Variants in KIF1A observed in about 807,000 individuals in gnomAD.
The protein encoded by KIF1A is kinesin family member 1A.
KIF1A carries 46 observed loss-of-function variants against 227.3 expected under a neutral mutation model. The ratio of observed to expected loss-of-function variants is 0.20; its 90% CI spans 0.16 to 0.26. The LOEUF (loss-of-function observed/expected upper bound fraction) is 0.26. Among genes scored for constraint, KIF1A ranks in the 10% least tolerant of loss-of-function variants. KIF1A has a pLI of 1.00. For synonymous variants in KIF1A, 1,022 were observed against 1,012.8 expected (o/e 1.01, Z -0.17); for missense variants, 1,683 against 2,485.9 (o/e 0.68, Z 6.87).
chr2:240,718,907 TG>T, intron 47 of KIF1A, 98 bp downstream of exon 47: 1 of 962,660 alleles, frequency 1.0e-6, no homozygotes, highest in Non-Finnish European at 1.6e-6. Flanking sequence ...GGTGAGCAGA[TG>T]GGCCTCCTGC....
upstream of KIF1A, among the ~76,000 whole-genome samples, chr2:240,821,067 C>T (rs2058673777): frequency 6.6e-6 from 1 of 152,184 alleles, no homozygotes; most frequent in Non-Finnish European, 1.5e-5. Flanking sequence ...CGTCCTCCCT[C>T]CACCGTCCCA....
At chr2:240,807,411 G>A (rs1351215424) in intron 1 of KIF1A, among the ~76,000 whole-genome samples, 3 of 152,064 alleles carry the variant, frequency 2.0e-5, no homozygotes, top group African/African-American at 7.3e-5. Flanking sequence ...CCAAAGTGCT[G>A]GGATTACAGG....
At chr2:240,802,659 G>A (rs1026340695) in intron 1 of KIF1A, among the ~76,000 whole-genome samples, 1 of 152,094 alleles carries the variant, frequency 6.6e-6, no homozygotes, top group Non-Finnish European at 1.5e-5. Context: ...GTTTGAGACC[G>A]GGTCTCCTGT....
In KIF1A at chr2:240,741,365, T is replaced by C. The variant is rs1370288349; in HGVS notation, c.3653A>G (p.Lys1218Arg). ...ACAGGGCCGCGTCAGTGTGCTGAGCTTGGTGGCGGGCACTGTAGGGACAGG... is the reference window on the plus strand; with the variant it reads ...ACAGGGCCGCGTCAGTGTGCTGAGCCTGGTGGCGGGCACTGTAGGGACAGG... ...MPLSKPVPAT[K>R]LSTLTRPCPG... is the part of the protein sequence containing the mutation. The change falls in exon 35 of 49, where the codon AAG (lysine) becomes AGG (arginine). Residue 1218 changes from lysine (K) to arginine (R), a missense_variant. By Grantham distance (26) the Lys-to-Arg change is conservative. Coordinates refer to ENST00000498729, the MANE Select transcript of KIF1A (RefSeq NM_001244008.2). 10 of 1,576,518 alleles carry C rather than the reference T, an allele frequency of 6.3e-6. No homozygotes were observed. Among genetic ancestry groups the C allele is most frequent in the Non-Finnish European group, 8.6e-6 (10 of 1,165,618 alleles).
At chr2:240,780,830 CCA>C (rs772178620) in intron 10 of KIF1A, among the ~76,000 whole-genome samples, 23 of 10,048 alleles carry the variant, frequency 2.3e-3, no homozygotes, top group Non-Finnish European at 2.2e-3. Flanking sequence ...ACACACAGCT[CCA>C]CACACACACA....
At chr2:240,808,738 T>A (rs760171815) in intron 1 of KIF1A, among the ~76,000 whole-genome samples, 50 of 150,496 alleles carry the variant, frequency 3.3e-4, no homozygotes, top group Non-Finnish European at 6.2e-4. Flanking sequence ...GTCACTAACT[T>A]TTTTTTTTTG....
chr2:240,817,329 C>A (rs931087268), intron 1 of KIF1A, among the ~76,000 whole-genome samples: 3 of 152,162 alleles, frequency 2.0e-5, no homozygotes, highest in Admixed American at 6.5e-5. Flanking sequence ...GGAGGTGACA[C>A]CTTGAGTCCC....
In KIF1A at chr2:240,778,849, C is replaced by T. The variant is rs1309219503; in HGVS notation, c.883-2923G>A. On this transcript the variant is annotated intron_variant, in intron 10 of 48. Transcript: ENST00000498729. This position sits in a 1 kb window ranked among gnomAD's most constrained non-coding sequence, Gnocchi z 7.2. ...CCGCCATGGCTCACACACTTCCTCA[C>T]ACGTTCCTCACACAACCCTTCACGC... Among the ~76,000 whole-genome samples, 2 of 152,088 alleles carry T rather than the reference C, an allele frequency of 1.3e-5. No homozygotes were observed. Among genetic ancestry groups the T allele is most frequent in the Non-Finnish European group, 2.9e-5 (2 of 68,002 alleles).
At chr2:240,779,235 C>T (rs922857406) in intron 10 of KIF1A, among the ~76,000 whole-genome samples, 8 of 149,404 alleles carry the variant, frequency 5.4e-5, no homozygotes, top group Non-Finnish European at 7.4e-5. Context: ...GTTCCACACT[C>T]AGTCCCTCAC....
At chr2:240,786,222 G>A (rs536382967) in intron 6 of KIF1A, 113 bp downstream of exon 6, 26 of 1,065,214 alleles carry the variant, frequency 2.4e-5, no homozygotes, top group African/African-American at 3.2e-5. Context: ...ACACCTCCGC[G>A]GGGGCACAGA....
chr2:240,718,310 G>T, intron 47 of KIF1A, 142 bp from the exon 48 acceptor site: 1 of 698,674 alleles, frequency 1.4e-6, no homozygotes. Flanking sequence ...ACAAAGAGGG[G>T]AAGGCTGACC....
chr2:240,717,362 G>T lies in KIF1A; in HGVS notation c.*2C>A. Reference sequence around the variant, plus strand: ...TGCCGGCTGTCACGGGAGGGCTCAGGTTCAGACCCGCATCTGGGCAGACCT... The same window carrying T: ...TGCCGGCTGTCACGGGAGGGCTCAGTTTCAGACCCGCATCTGGGCAGACCT... On this transcript the variant is annotated 3_prime_UTR_variant, in exon 49 of 49. Coordinates refer to ENST00000498729, the MANE Select transcript of KIF1A (RefSeq NM_001244008.2). The T allele has an allele frequency of 2.5e-6, 4 of 1,611,526 alleles. No homozygotes were observed. Among genetic ancestry groups the T allele is most frequent in the Non-Finnish European group, 3.4e-6 (4 of 1,179,504 alleles).
chr2:240,783,539 C>A (rs1303965762), intron 8 of KIF1A, among the ~76,000 whole-genome samples, 200 bp downstream of exon 8: 1 of 152,218 alleles, frequency 6.6e-6, no homozygotes, highest in East Asian at 1.9e-4. Context: ...AAACCCCTGA[C>A]CTGTGTGCCC....
chr2:240,755,515 G>A lies in KIF1A; in HGVS notation c.2858+1804C>T, dbSNP rs186332204. On this transcript the variant is annotated intron_variant, in intron 27 of 48. Transcript: ENST00000498729. The stretch of plus-strand genomic sequence containing the variant: ...ACCAGAAGGTTAAAGGAAAATCAAC[G>A]AGGGGCCTTCCCAGGGCCGGGCCTG... Among the ~76,000 whole-genome samples the A allele has an allele frequency of 3.9e-5, 6 of 152,306 alleles. No individual in the cohort carries two copies. In the East Asian group the frequency reaches 1.2e-3, roughly 29 times the overall value.
At chr2:240,820,673 C>T (rs1017251365), upstream of KIF1A, among the ~76,000 whole-genome samples, 1 of 138,826 alleles carries the variant, frequency 7.2e-6, no homozygotes, top group Non-Finnish European at 1.6e-5. The surrounding 1 kb of genome is among the most constrained non-coding windows in gnomAD (Gnocchi z 6.2). Flanking sequence ...TCGTGGGGGG[C>T]GGGCGGGGCT....
intron 25 of KIF1A, among the ~76,000 whole-genome samples, chr2:240,760,142 C>T (rs1163525636): frequency 2.6e-5 from 4 of 152,238 alleles, no homozygotes; most frequent in African/African-American, 7.2e-5. Context: ...GCCCAGGCTT[C>T]CTCCTCACCA....
chr2:240,812,522 C>G (rs1219785454), intron 1 of KIF1A, among the ~76,000 whole-genome samples: 1 of 151,204 alleles, frequency 6.6e-6, no homozygotes, highest in Non-Finnish European at 1.5e-5. Flanking sequence ...CCACCTTCAC[C>G]TGGGGATCCA....
At chr2:240,820,978 G>A (rs2058670878), upstream of KIF1A, among the ~76,000 whole-genome samples, 1 of 151,226 alleles carries the variant, frequency 6.6e-6, no homozygotes, top group Non-Finnish European at 1.5e-5. The surrounding 1 kb of genome is among the most constrained non-coding windows in gnomAD (Gnocchi z 6.2). Flanking sequence ...GGGCCACCCC[G>A]GCAAACCCCA....
chr2:240,722,755 G>A (rs1387643038), intron 42 of KIF1A, 99 bp from the exon 43 acceptor site: 13 of 953,844 alleles, frequency 1.4e-5, no homozygotes, highest in South Asian at 3.6e-5. Flanking sequence ...GGCAGACCCC[G>A]GAGAGCCCAC....
Sources: gnomAD v4.1 joint callset for allele counts (sites outside exome capture counted in the v4.1 genomes callset) on GRCh38, gnomAD v4.1.1 for gene constraint, Gnocchi (gnomAD v3.1) non-coding constraint, MANE v1.5 for transcripts, NCBI Gene and HGNC (gene_info 2026-07-23, HGNC 2026-07-21) for gene names.